The following GRIK1 variants were observed in gnomAD, a reference collection of about 807,000 sequenced individuals.
The protein encoded by GRIK1 is glutamate receptor ionotropic, kainate 1.
GRIK1 carries 69 observed loss-of-function variants against 105.7 expected under a neutral mutation model. The observed-to-expected ratio is 0.65, with a 90% CI of 0.54 to 0.80. The LOEUF (loss-of-function observed/expected upper bound fraction) is 0.80, where lower values mean the gene tolerates loss of function less well. GRIK1 is among the 30% of genes least tolerant of loss of function. The pLI, the probability that GRIK1 is intolerant of heterozygous loss-of-function variation, is 0.00. For missense variants in GRIK1, 1,109 were observed against 1,167.3 expected, an observed-to-expected ratio of 0.95 and a Z score of 0.73; for synonymous variants, 438 against 431.3, an observed-to-expected ratio of 1.02 and a Z score of -0.19.
chr21:29,625,296 T>C (rs1390702507), intron 7 of GRIK1, among the ~76,000 whole-genome samples: 1 of 152,174 alleles, frequency 6.6e-6, no homozygotes, highest in Non-Finnish European at 1.5e-5. Context: ...GGGAAGTGAA[T>C]GTGAGAAGTA....
chr21:29,846,179 T>C (rs140273327), intron 1 of GRIK1, among the ~76,000 whole-genome samples: 2 of 142,390 alleles, frequency 1.4e-5, no homozygotes, highest in East Asian at 2.2e-4. Flanking sequence ...TCACCTGAGG[T>C]TGGGAGTTCG....
At chr21:29,687,383 C>T (rs1751805218) in intron 3 of GRIK1, among the ~76,000 whole-genome samples, 1 of 152,112 alleles carries the variant, frequency 6.6e-6, no homozygotes, top group Non-Finnish European at 1.5e-5. Flanking sequence ...AGGCAAGAAC[C>T]CTGAGTCAAG....
At position 29,909,027 on chromosome 21, in the gene GRIK1, C is replaced by T. The variant is rs1602016912; in HGVS notation, c.118+30356G>A. On this transcript the variant is annotated intron_variant, in intron 1 of 17. Transcript: ENST00000327783. Reference sequence around the variant, plus strand: ...TGTAAGAATATTTTTAAACACATCACTTTTTAAAATAAATTTATGTTTTAT... The same window carrying T: ...TGTAAGAATATTTTTAAACACATCATTTTTTAAAATAAATTTATGTTTTAT... Among the ~76,000 whole-genome samples the T allele has an allele frequency of 3.9e-5, 6 of 152,114 alleles. No individual in the cohort carries two copies. In the South Asian group the frequency reaches 1.2e-3, roughly 31 times the overall value.
intron 1 of GRIK1, among the ~76,000 whole-genome samples, chr21:29,760,938 T>C (rs1411754778): frequency 2.0e-5 from 3 of 152,220 alleles, no homozygotes; most frequent in Non-Finnish European, 4.4e-5. Flanking sequence ...AAGGATTATG[T>C]TTGGGGACTG....
At chr21:29,879,894 G>T (rs868297958) in intron 1 of GRIK1, among the ~76,000 whole-genome samples, 45 of 152,100 alleles carry the variant, frequency 3.0e-4, no homozygotes, top group Middle Eastern at 3.4e-3. Flanking sequence ...AACAGGAGAT[G>T]AAGAAAACCT....
At chr21:29,607,457 G>A (rs1251058153) in intron 7 of GRIK1, among the ~76,000 whole-genome samples, 1 of 150,540 alleles carries the variant, frequency 6.6e-6, no homozygotes, top group Non-Finnish European at 1.5e-5. Context: ...TGTGAAATAA[G>A]GATTTTCTGT....
intron 7 of GRIK1, among the ~76,000 whole-genome samples, chr21:29,621,923 G>A (rs1442275207): frequency 6.6e-6 from 1 of 151,906 alleles, no homozygotes; most frequent in East Asian, 1.9e-4. Flanking sequence ...AATCATATGT[G>A]AGGTGTTCTA....
At chr21:29,722,532 G>A (rs1382696715) in intron 1 of GRIK1, among the ~76,000 whole-genome samples, 1 of 150,766 alleles carries the variant, frequency 6.6e-6, no homozygotes, top group Non-Finnish European at 1.5e-5. Context: ...CTCCAGCCTG[G>A]GTGACTGAGA....
intron 1 of GRIK1, among the ~76,000 whole-genome samples, chr21:29,780,946 A>C (rs1411080777): frequency 6.6e-6 from 1 of 152,116 alleles, no homozygotes; most frequent in Non-Finnish European, 1.5e-5. Flanking sequence ...CCACAACCCA[A>C]AATTATACCA....
intron 1 of GRIK1, among the ~76,000 whole-genome samples, chr21:29,773,741 G>A (rs928746138): frequency 6.6e-6 from 1 of 152,148 alleles, no homozygotes; most frequent in Non-Finnish European, 1.5e-5. Context: ...ATAAAAATGT[G>A]TACAGGGCAA....
intron 1 of GRIK1, among the ~76,000 whole-genome samples, chr21:29,697,962 T>TG (rs1481872894): frequency 7.6e-6 from 1 of 131,846 alleles, no homozygotes; most frequent in African/African-American, 3.9e-5. Context: ...TCTTTCTTCC[T>TG]TTCTTTCTTT....
chr21:29,806,463 T>C (rs1360517938), intron 1 of GRIK1, among the ~76,000 whole-genome samples: 1 of 152,166 alleles, frequency 6.6e-6, no homozygotes, highest in Non-Finnish European at 1.5e-5. Flanking sequence ...ATAATCATTT[T>C]GGCATTATTT....
Position 29,577,105 on chromosome 21 carries a change from A to C in GRIK1, c.1989T>G (p.Ile663Met). The part of the protein sequence containing the change: ...GIWWFFTLII[I>M]SSYTANLAAF... ...CAGCCAGATTGGCCGTGTAGGATGA[A>C]ATGATGATTAGGGTGAAAAACCACC... The change falls in exon 14 of 18, where the codon ATT becomes ATG. Residue 663 changes from isoleucine to methionine, a missense_variant. By Grantham distance (10) the Ile-to-Met change is conservative. This residue lies in a region of GRIK1 where 264 missense variants were observed against 306.9 expected (regional missense o/e 0.86). Coordinates refer to ENST00000327783, the MANE Select transcript of GRIK1 (RefSeq NM_001330994.2). 6.2e-7 allele frequency: 1 copy of C among 1,612,770 alleles called. No homozygotes were observed. The highest frequency in any genetic ancestry group is 8.5e-7 in the Non-Finnish European group (1 of 1,178,770).
chr21:29,692,317 G>A (rs998292002), intron 2 of GRIK1, among the ~76,000 whole-genome samples: 1 of 152,126 alleles, frequency 6.6e-6, no homozygotes, highest in Non-Finnish European at 1.5e-5. Context: ...AGGAGTGTTA[G>A]TGTCTGTTTG....
chr21:29,689,333 A>C (rs1207786349), intron 3 of GRIK1, among the ~76,000 whole-genome samples: 1 of 152,198 alleles, frequency 6.6e-6, no homozygotes, highest in Non-Finnish European at 1.5e-5. Flanking sequence ...CTTACGTTAG[A>C]AACTTTTCTA....
At chr21:29,938,551 T>C (rs913275848) in intron 1 of GRIK1, among the ~76,000 whole-genome samples, 8 of 152,208 alleles carry the variant, frequency 5.3e-5, no homozygotes, top group African/African-American at 1.9e-4. Context: ...TCCACGCCCC[T>C]TCCACTGTCC....
intron 7 of GRIK1, among the ~76,000 whole-genome samples, chr21:29,606,690 C>CA (rs1272326353): frequency 1.3e-5 from 2 of 150,374 alleles, no homozygotes; most frequent in Non-Finnish European, 3.0e-5. Flanking sequence ...CAAAACAAAA[C>CA]AAAACAAAAA....
intron 1 of GRIK1, among the ~76,000 whole-genome samples, chr21:29,837,674 G>T (rs1026227495): frequency 6.6e-6 from 1 of 152,100 alleles, no homozygotes; most frequent in South Asian, 2.1e-4. Flanking sequence ...AATATATGAA[G>T]AATAAACCAG....
intron 6 of GRIK1, among the ~76,000 whole-genome samples, chr21:29,644,618 A>G (rs754615762): frequency 3.7e-4 from 56 of 152,172 alleles, no homozygotes; most frequent in Non-Finnish European, 6.2e-4. Flanking sequence ...TACACTATCC[A>G]CTTTGTAGAT....
Sources: gnomAD v4.1 joint callset for allele counts (sites outside exome capture counted in the v4.1 genomes callset) on GRCh38, gnomAD v4.1.1 for gene constraint, gnomAD v4.1.1 regional missense constraint, MANE v1.5 for transcripts, NCBI Gene and HGNC (gene_info 2026-07-23, HGNC 2026-07-21) for gene names.